Variants in EYS observed in about 807,000 individuals in gnomAD.
EYS encodes protein eyes shut homolog.
In EYS, 250 loss-of-function variants were observed where a neutral mutation model predicts 282.1. The observed-to-expected ratio is 0.89, with a 90% confidence interval of 0.80 to 0.98. EYS has a LOEUF of 0.98. EYS is among the 50% of genes least tolerant of loss of function. The pLI is 0.00. For missense variants in EYS, 4,016 were observed against 3,709.0 expected (o/e 1.08, Z -2.15); for synonymous variants, 1,355 against 1,282.9 (o/e 1.06, Z -1.20).
At chr6:65,580,884 G>C (rs1216290549) in intron 2 of EYS, among the ~76,000 whole-genome samples, 1 of 151,970 alleles carries the variant, frequency 6.6e-6, no homozygotes, top group East Asian at 1.9e-4. Context: ...CTCAAGGTAA[G>C]CCTGAAATAT....
At chr6:65,210,680 T>C (rs1466677144) in intron 12 of EYS, among the ~76,000 whole-genome samples, 2 of 151,614 alleles carry the variant, frequency 1.3e-5, no homozygotes, top group Non-Finnish European at 1.5e-5. Flanking sequence ...ATGAAAGGAA[T>C]CATGAATAAA....
At chr6:65,193,695 C>T (rs1460460691) in intron 12 of EYS, among the ~76,000 whole-genome samples, 1 of 151,448 alleles carries the variant, frequency 6.6e-6, no homozygotes, top group South Asian at 2.1e-4. Context: ...AAATCTCTGC[C>T]TCTATCTAGT....
chr6:65,606,036 T>C (rs1337119106), intron 2 of EYS, among the ~76,000 whole-genome samples: 1 of 151,610 alleles, frequency 6.6e-6, no homozygotes, highest in African/African-American at 2.4e-5. Context: ...AATGAATAAT[T>C]AATATTCTTA....
chr6:63,855,853 T>C (rs192040725), intron 36 of EYS, among the ~76,000 whole-genome samples: 9 of 152,270 alleles, frequency 5.9e-5, no homozygotes, highest in Non-Finnish European at 8.8e-5. Flanking sequence ...CTAAGGAAAA[T>C]AGGCCACTTT....
intron 14 of EYS, among the ~76,000 whole-genome samples, chr6:64,958,596 G>A (rs577700438): frequency 6.6e-6 from 1 of 150,806 alleles, no homozygotes; most frequent in Non-Finnish European, 1.5e-5. Context: ...TTAGCCGGGC[G>A]CAGTGGCGGG....
At chr6:63,770,464 CTA>C in intron 40 of EYS, among the ~76,000 whole-genome samples, 1 of 152,152 alleles carries the variant, frequency 6.6e-6, no homozygotes, top group South Asian at 2.1e-4. Context: ...GACACAAAAT[CTA>C]TGTGGTGTGA....
Position 65,296,095 on chromosome 6 carries a change from A to G in EYS, c.1791T>C (p.Ile597=). ...RPRCSCSLSY[I]GRLCVVNVDY... ...CAACATTGACAACACACAATCTGCC[A>G]ATGTAACTAAGAGAACAGCTGCATC... The change falls in exon 12 of 43, where the codon ATT becomes ATC. Residue 597 remains isoleucine, a synonymous_variant. Coordinates refer to ENST00000503581, the MANE Select transcript of EYS (RefSeq NM_001142800.2). 6.5e-7 allele frequency: 1 copy of G among 1,549,672 alleles called. No homozygotes were observed. Among genetic ancestry groups the G allele is most frequent in the Non-Finnish European group, 8.7e-7 (1 of 1,146,016 alleles).
intron 35 of EYS, among the ~76,000 whole-genome samples, chr6:63,968,737 A>G (rs545277493): frequency 3.3e-5 from 5 of 152,298 alleles, no homozygotes; most frequent in Admixed American, 2.6e-4. Context: ...CCTCTCAGTA[A>G]AAATCTCCCC....
chr6:64,446,422 T>A (rs1289596955), intron 26 of EYS, among the ~76,000 whole-genome samples: 2 of 152,160 alleles, frequency 1.3e-5, no homozygotes, highest in Non-Finnish European at 2.9e-5. Flanking sequence ...TGTGTATATA[T>A]AGAAAATACA....
At chr6:65,095,928 T>C (rs1428839253) in intron 12 of EYS, among the ~76,000 whole-genome samples, 1 of 151,070 alleles carries the variant, frequency 6.6e-6, no homozygotes, top group Admixed American at 6.6e-5. Context: ...TTCAACATAG[T>C]ACTAAATGTT....
At chr6:64,562,806 T>C (rs1331505104) in intron 26 of EYS, among the ~76,000 whole-genome samples, 3 of 151,972 alleles carry the variant, frequency 2.0e-5, no homozygotes, top group African/African-American at 4.8e-5. Context: ...ATAATTCACA[T>C]TCTTTCATTT....
At chr6:65,340,958 C>G (rs1300621296) in intron 10 of EYS, among the ~76,000 whole-genome samples, 1 of 151,040 alleles carries the variant, frequency 6.6e-6, no homozygotes, top group African/African-American at 2.4e-5. Flanking sequence ...GGTACAGTAT[C>G]AAGTCTAAAC....
chr6:64,510,404 T>G (rs1777348221), intron 26 of EYS, among the ~76,000 whole-genome samples: 1 of 152,092 alleles, frequency 6.6e-6, no homozygotes, highest in African/African-American at 2.4e-5. Context: ...TGCTAAAAAT[T>G]TTGTTTCTTA....
intron 12 of EYS, among the ~76,000 whole-genome samples, chr6:65,082,335 G>C (rs894769686): frequency 6.6e-6 from 1 of 151,844 alleles, no homozygotes; most frequent in Admixed American, 6.6e-5. Context: ...AATTATTTAT[G>C]AGTCATGTTC....
chr6:63,963,526 T>C (rs1362862624), intron 35 of EYS, among the ~76,000 whole-genome samples: 1 of 152,174 alleles, frequency 6.6e-6, no homozygotes, highest in Non-Finnish European at 1.5e-5. Flanking sequence ...GAAAATGGCA[T>C]TGCTTTCTGC....
chr6:64,631,142 T>C (rs1767765928), intron 22 of EYS: 1 of 152,142 alleles, frequency 6.6e-6, no homozygotes, highest in African/African-American at 2.4e-5. Flanking sequence ...TTTTGCAGCA[T>C]AGCAACTAAA....
intron 33 of EYS, among the ~76,000 whole-genome samples, chr6:64,001,234 A>C (rs566888136): frequency 1.3e-5 from 2 of 152,238 alleles, no homozygotes; most frequent in Admixed American, 1.3e-4. Context: ...GAATCACATT[A>C]TTTAATGTAC....
intron 22 of EYS, among the ~76,000 whole-genome samples, chr6:64,664,127 A>T (rs1280259033): frequency 6.6e-6 from 1 of 152,192 alleles, no homozygotes; most frequent in Non-Finnish European, 1.5e-5. Flanking sequence ...GCTGGAACAA[A>T]CATGGACCAG....
At chr6:64,188,850 T>C (rs900193836) in intron 31 of EYS, among the ~76,000 whole-genome samples, 32 of 152,176 alleles carry the variant, frequency 2.1e-4, no homozygotes, top group Non-Finnish European at 3.7e-4. Flanking sequence ...GGGTGGTTTC[T>C]ATATTAGGAA....
Sources: allele counts gnomAD v4.1 joint callset (sites outside exome capture counted in the v4.1 genomes callset), GRCh38; gene constraint gnomAD v4.1.1; transcripts MANE v1.5; gene names NCBI Gene and HGNC (gene_info 2026-07-23, HGNC 2026-07-21).